STK32C: variants seen among roughly 807,000 people sequenced by gnomAD.
STK32C encodes the protein serine/threonine-protein kinase 32C.
Under a neutral mutation model 56.5 loss-of-function variants are expected in STK32C, and 31 were observed. The ratio of observed to expected loss-of-function variants is 0.55; its 90% CI spans 0.41 to 0.74. STK32C has a LOEUF of 0.74. Ranked by LOEUF, STK32C falls within the 30% of genes least tolerant of loss-of-function variation. The pLI is 0.00. For missense variants in STK32C, 544 were observed against 676.9 expected (o/e 0.80, Z 2.18); for synonymous variants, 309 against 289.4 (o/e 1.07, Z -0.69).
At chr10:132,225,896 C>T in intron 4 of STK32C, 112 bp from the exon 5 acceptor site, 1 of 1,402,752 alleles carries the variant, frequency 7.1e-7, no homozygotes, top group Non-Finnish European at 9.9e-7. Context: ...CCACTCGAGG[C>T]AGAGGCCTGG....
chr10:132,233,214 G>C (rs917665964), intron 2 of STK32C, among the ~76,000 whole-genome samples: 1 of 152,280 alleles, frequency 6.6e-6, no homozygotes, highest in Non-Finnish European at 1.5e-5. Context: ...GCTGAAGAAG[G>C]TGCAGCCCAG....
chr10:132,311,624 C>T (rs2066223825), upstream of STK32C, among the ~76,000 whole-genome samples: 1 of 152,204 alleles, frequency 6.6e-6, no homozygotes, highest in Non-Finnish European at 1.5e-5. This position sits in a 1 kb window ranked among gnomAD's most constrained non-coding sequence, Gnocchi z 4.4. Flanking sequence ...AGCCCTCGCC[C>T]CCACTGCAGT....
chr10:132,234,104 C>T (rs887175578), intron 2 of STK32C, among the ~76,000 whole-genome samples: 7 of 152,172 alleles, frequency 4.6e-5, no homozygotes, highest in Admixed American at 2.6e-4. Context: ...CCTGTGGCCT[C>T]GTGGACTCTC....
At chr10:132,258,420 C>A (rs978055721) in intron 1 of STK32C, among the ~76,000 whole-genome samples, 11 of 152,256 alleles carry the variant, frequency 7.2e-5, no homozygotes, top group African/African-American at 2.7e-4. Flanking sequence ...CCCCCCATCA[C>A]CCCCCACGGG....
At chr10:132,271,429 G>T (rs1564763568) in intron 1 of STK32C, among the ~76,000 whole-genome samples, 2 of 152,206 alleles carry the variant, frequency 1.3e-5, no homozygotes, top group Non-Finnish European at 2.9e-5. Context: ...CCAGCTCCTT[G>T]TCCCAACAGT....
chr10:132,287,146 T>C (rs11816382), intron 1 of STK32C, among the ~76,000 whole-genome samples: 7,039 of 152,082 alleles, frequency 0.046, 503 homozygotes, highest in African/African-American at 0.15. Flanking sequence ...CTGAGAAAAA[T>C]TAAAGACGAC....
At chr10:132,328,335 G>A (rs1306686255) in intron 1 of STK32C, among the ~76,000 whole-genome samples, 2 of 152,104 alleles carry the variant, frequency 1.3e-5, no homozygotes, top group Admixed American at 1.3e-4. Flanking sequence ...GCCGGAGCGA[G>A]ATTACAGGTC....
At chr10:132,224,991 C>T (rs113939928) in intron 7 of STK32C, among the ~76,000 whole-genome samples, 1 of 152,254 alleles carries the variant, frequency 6.6e-6, no homozygotes, top group Admixed American at 6.5e-5. Flanking sequence ...TGTCCACCCC[C>T]ACAGAGGCTG....
At chr10:132,219,747 C>T (rs574356229) in intron 10 of STK32C, among the ~76,000 whole-genome samples, 2 of 152,234 alleles carry the variant, frequency 1.3e-5, no homozygotes, top group Admixed American at 6.5e-5. Flanking sequence ...ACTGGGGGGC[C>T]GTGTTCCCCC....
intron 2 of STK32C, among the ~76,000 whole-genome samples, chr10:132,241,586 G>T (rs1425601896): frequency 6.6e-6 from 1 of 152,180 alleles, no homozygotes; most frequent in Non-Finnish European, 1.5e-5. Context: ...TCCCAGCGGG[G>T]TTACTTTCGA....
At chr10:132,286,117 C>T (rs1407362481) in intron 1 of STK32C, among the ~76,000 whole-genome samples, 1 of 150,484 alleles carries the variant, frequency 6.6e-6, no homozygotes, top group African/African-American at 2.5e-5. Context: ...CGGAGCGAGA[C>T]TCTGTCTCAA....
chr10:132,316,423 G>A (rs912426418), intron 1 of STK32C, among the ~76,000 whole-genome samples: 2 of 152,100 alleles, frequency 1.3e-5, no homozygotes, highest in African/African-American at 4.8e-5. Context: ...GACCAGCCTA[G>A]GCAACATAGT....
At chr10:132,319,354 AAT>A, downstream of STK32C, among the ~76,000 whole-genome samples, 1 of 152,368 alleles carries the variant, frequency 6.6e-6, no homozygotes, top group South Asian at 2.1e-4. Context: ...AGAAAAATAA[AAT>A]ATATGACTTA....
intron 1 of STK32C, among the ~76,000 whole-genome samples, chr10:132,246,616 T>C (rs1169079091): frequency 2.0e-5 from 3 of 152,210 alleles, no homozygotes; most frequent in African/African-American, 7.2e-5. Context: ...TTCCCACACC[T>C]GCAAGTCCCT....
chr10:132,323,407 T>G (rs980291706), downstream of STK32C, among the ~76,000 whole-genome samples: 1 of 152,246 alleles, frequency 6.6e-6, no homozygotes, highest in African/African-American at 2.4e-5. The surrounding 1 kb of genome is among the most constrained non-coding windows in gnomAD (Gnocchi z 4.8). Context: ...CCTAGCGTTC[T>G]CACTGGCCTA....
At chr10:132,246,783 A>T (rs2063710841) in intron 1 of STK32C, among the ~76,000 whole-genome samples, 1 of 151,968 alleles carries the variant, frequency 6.6e-6, no homozygotes, top group Admixed American at 6.6e-5. Context: ...GGGTCCCACA[A>T]TGTCACCCCC....
At chr10:132,296,129 T>C (rs997295705) in intron 1 of STK32C, among the ~76,000 whole-genome samples, 1 of 149,666 alleles carries the variant, frequency 6.7e-6, no homozygotes, top group African/African-American at 2.5e-5. Flanking sequence ...ACCTCCGTGG[T>C]CTTCCTCCCA....
chr10:132,316,965 T>C (rs2066321587), intron 1 of STK32C, among the ~76,000 whole-genome samples: 1 of 139,874 alleles, frequency 7.1e-6, no homozygotes, highest in South Asian at 2.2e-4. Flanking sequence ...ATCATGCCAC[T>C]GCACTCCAGC....
intron 2 of STK32C, among the ~76,000 whole-genome samples, chr10:132,231,063 C>T (rs1477523606): frequency 1.3e-5 from 2 of 152,216 alleles, no homozygotes; most frequent in African/African-American, 4.8e-5. Context: ...CAGGACCACC[C>T]GCTTTCCCAA....
Sources: allele counts gnomAD v4.1 joint callset (sites outside exome capture counted in the v4.1 genomes callset), GRCh38; gene constraint gnomAD v4.1.1; non-coding constraint Gnocchi (gnomAD v3.1); transcripts MANE v1.5; gene names NCBI Gene and HGNC (gene_info 2026-07-23, HGNC 2026-07-21).